The following RPL7A variants were observed in gnomAD, a reference collection of about 807,000 sequenced individuals.
The protein encoded by RPL7A is ribosomal protein L7a, also known as large ribosomal subunit protein eL8.
For missense variants in RPL7A, 291 were observed against 338.2 expected (o/e 0.86, Z 1.09); for synonymous variants, 158 against 128.2 (o/e 1.23, Z -1.57).
At chr9:133,350,463 G>T (rs1836361193) in intron 5 of RPL7A, 134 bp from the exon 6 acceptor site, 1 of 1,525,772 alleles carries the variant, frequency 6.6e-7, no homozygotes, top group African/African-American at 1.4e-5. Context: ...CTCTTGCAAT[G>T]ATGTGAATCT....
chr9:133,350,378 T>C, intron 5 of RPL7A, 59 bp downstream of exon 5: 2 of 1,590,034 alleles, frequency 1.3e-6, no homozygotes, highest in Non-Finnish European at 1.7e-6. Context: ...GAAGAGAGAG[T>C]AGACCTAATG....
intron 3 of RPL7A, 81 bp downstream of exon 3, chr9:133,349,781 G>C: frequency 6.3e-7 from 1 of 1,591,528 alleles, no homozygotes. Context: ...ATGGTCTTAG[G>C]CTTCTTGAAC....
At chr9:133,349,379 G>A in intron 2 of RPL7A, 172 bp from the exon 3 acceptor site, 2 of 942,380 alleles carry the variant, frequency 2.1e-6, no homozygotes, top group Non-Finnish European at 1.8e-6. Flanking sequence ...CGTGCTCTTT[G>A]TTCTCAGGTG....
At chr9:133,350,350 G>A (rs368441449) in intron 5 of RPL7A, 31 bp downstream of exon 5, 1 of 1,610,800 alleles carries the variant, frequency 6.2e-7, no homozygotes, top group South Asian at 1.1e-5. Flanking sequence ...CTAACCCAAG[G>A]GCTTCTGGCA....
chr9:133,348,547 C>G (rs982796831), intron 1 of RPL7A: 1 of 596,058 alleles, frequency 1.7e-6, no homozygotes, highest in East Asian at 2.8e-5. Flanking sequence ...GTCTCTCGGG[C>G]TTGCTGGGGG....
rs2129977326 is a variant in RPL7A, at chr9:133,348,257, T to C, written c.3+11T>C. On this transcript the variant is annotated intron_variant, in intron 1 of 7. Transcript: ENST00000323345. ...CCGCCGCCCAAGATGGTGAGTGAGCTGTAGTTCCGTGGCACTATAGCCAGG... is the reference window on the plus strand; with the variant it reads ...CCGCCGCCCAAGATGGTGAGTGAGCCGTAGTTCCGTGGCACTATAGCCAGG... The C allele has an allele frequency of 6.8e-6, 11 of 1,613,964 alleles. No individual in the cohort carries two copies. The highest frequency in any genetic ancestry group is 1.6e-4 in the Middle Eastern group (1 of 6,084).
In RPL7A at chr9:133,349,766, G is replaced by C. The variant is rs1012834150; in HGVS notation, c.274+66G>C. 5 of 1,601,998 alleles carry C rather than the reference G, an allele frequency of 3.1e-6. No homozygotes were observed. In the African/African-American group the frequency reaches 6.7e-5, roughly 22 times the overall value. ...ATTCCTTATTTCATCCAGAACATGA[G>C]GGGGATGGTCTTAGGCTTCTTGAAC... On this transcript the variant is annotated intron_variant, in intron 3 of 7. Transcript: ENST00000323345.
At chr9:133,350,110 A>G in intron 4 of RPL7A, 58 bp downstream of exon 4, 1 of 1,613,800 alleles carries the variant, frequency 6.2e-7, no homozygotes, top group Non-Finnish European at 8.5e-7. Flanking sequence ...GTGATGTAAA[A>G]TTTCTTGGCC....
intron 2 of RPL7A, 113 bp from the exon 3 acceptor site, chr9:133,349,438 A>G (rs2129986075): frequency 1.6e-6 from 2 of 1,252,552 alleles, no homozygotes; most frequent in South Asian, 2.4e-5. Flanking sequence ...AGAGATGGTG[A>G]TGACATTTTA....
chr9:133,348,560 G>A, intron 1 of RPL7A: 2 of 591,516 alleles, frequency 3.4e-6, no homozygotes, highest in Admixed American at 3.0e-5. Flanking sequence ...GCTGGGGGCC[G>A]CTCCAGAGGC....
At position 133,348,875 on chromosome 9, in the gene RPL7A, G is replaced by A. The variant is rs2129981765; in HGVS notation, c.4-47G>A. 1.3e-5 allele frequency: 21 copies of A among 1,612,892 alleles called. No individual in the cohort carries two copies. In the African/African-American group the frequency reaches 2.5e-4, roughly 19 times the overall value. On this transcript the variant is annotated intron_variant, in intron 1 of 7. Coordinates refer to ENST00000323345, the MANE Select transcript of RPL7A (RefSeq NM_000972.3). ...AGCCAGCCTGAGCCCTACCCCCGAC[G>A]AAGCGAGTGGAGGCGGCGGTTTAAC...
chr9:133,348,924 G>T lies in RPL7A; in HGVS notation c.6G>T (p.Pro2=), dbSNP rs2129982176. The part of the protein sequence containing the change: M[P]KGKKAKGKKV... ...ACTGACGTTTTCTTTCTGCCCAGCC[G>T]AAAGGAAAGAAGGCCAAGGGAAAGA... The change falls in exon 2 of 8, where the codon CCG becomes CCT. Residue 2 remains proline (P), a splice_region_variant and synonymous_variant. Transcript: ENST00000323345. 1.2e-6 allele frequency: 2 copies of T among 1,613,884 alleles called. No homozygotes were observed. Among genetic ancestry groups the T allele is most frequent in the Admixed American group, 1.7e-5 (1 of 60,010 alleles).
intron 5 of RPL7A, 139 bp downstream of exon 5, chr9:133,350,458 G>C (rs1836360891): frequency 6.6e-7 from 1 of 1,515,148 alleles, no homozygotes; most frequent in African/African-American, 1.4e-5. Context: ...CGTGGCTCTT[G>C]CAATGATGTG....
rs142456845 is a variant in RPL7A, at chr9:133,350,301, C to T, written c.477C>T (p.His159=). The T allele has an allele frequency of 7.4e-5, 119 of 1,613,960 alleles. No homozygotes were observed. The highest frequency in any genetic ancestry group is 9.2e-5 in the Non-Finnish European group (109 of 1,180,010). ...AAGCTCAGCTGGTGGTGATTGCACACGACGTGGATCCCATCGAGGTGCGTT... is the reference window on the plus strand; with the variant it reads ...AAGCTCAGCTGGTGGTGATTGCACATGACGTGGATCCCATCGAGGTGCGTT... ...NKKAQLVVIA[H]DVDPIELVVF... Residue 159 remains histidine (H), a synonymous_variant, in exon 5 of 8, where the codon CAC becomes CAT. Transcript: ENST00000323345.
Position 133,351,050 on chromosome 9 carries a change from T to C in RPL7A, c.675T>C (p.Asn225=). 1 of 1,614,082 alleles carries C rather than the reference T, an allele frequency of 6.2e-7. No individual in the cohort carries two copies. Among genetic ancestry groups the C allele is most frequent in the South Asian group, 1.1e-5 (1 of 91,072 alleles). The change falls in exon 7 of 8, where the codon AAT becomes AAC. Residue 225 remains asparagine (N), a synonymous_variant. Coordinates refer to ENST00000323345, the MANE Select transcript of RPL7A (RefSeq NM_000972.3). ...AGCTGGTGGAAGCTATCAGGACCAA[T>C]TACAATGACAGATACGATGAGGTAA... is the stretch of plus-strand genomic sequence containing the variant. The part of the protein sequence containing the change: ...LAKLVEAIRT[N]YNDRYDEIRR...
At chr9:133,350,771 A>C (rs1336502919) in intron 6 of RPL7A, 44 bp downstream of exon 6, 6 of 1,607,538 alleles carry the variant, frequency 3.7e-6, no homozygotes, top group Non-Finnish European at 5.1e-6. Flanking sequence ...AGTTCATTTA[A>C]TCCATGCCTC....
At position 133,349,038 on chromosome 9, in the gene RPL7A, C is replaced by T. The variant is rs2129982835; in HGVS notation, c.120C>T (p.Gly40=). The part of the protein sequence containing the change: ...PLFEKRPKNF[G]IGQDIQPKRD... Reference sequence around the variant, plus strand: ...TTGAGAAAAGGCCTAAGAATTTTGGCATTGGTAAGTAACAAACGGCAGAAT... The same window carrying T: ...TTGAGAAAAGGCCTAAGAATTTTGGTATTGGTAAGTAACAAACGGCAGAAT... The change falls in exon 2 of 8, where the codon GGC becomes GGT. Residue 40 remains glycine, a synonymous_variant. Coordinates refer to ENST00000323345, the MANE Select transcript of RPL7A (RefSeq NM_000972.3). 8 of 1,613,538 alleles carry T rather than the reference C, an allele frequency of 5.0e-6. No individual in the cohort carries two copies. Among genetic ancestry groups the T allele is most frequent in the African/African-American group, 1.3e-5 (1 of 74,874 alleles).
At chr9:133,348,648 C>T (rs1564342830) in intron 1 of RPL7A, 1 of 671,710 alleles carries the variant, frequency 1.5e-6, no homozygotes, top group South Asian at 1.6e-5. Context: ...AGTCATGAGT[C>T]CGGGGTGTCT....
Position 133,350,267 on chromosome 9 carries a change from A to C in RPL7A, c.443A>C (p.Glu148Ala), listed in dbSNP as rs2129992551. 1 of 1,614,026 alleles carries C rather than the reference A, an allele frequency of 6.2e-7. No homozygotes were observed. Among genetic ancestry groups the C allele is most frequent in the South Asian group, 1.1e-5 (1 of 91,064 alleles). ...AGVNTVTTLV[E>A]NKKAQLVVIA... ...GTTAACACCGTCACCACCTTGGTGG[A>C]GAACAAGAAAGCTCAGCTGGTGGTG... Residue 148 changes from glutamate (E) to alanine (A), a missense_variant, in exon 5 of 8, where the codon GAG becomes GCG. Physicochemically the swap from Glu to Ala is moderately radical, Grantham distance 107 (BLOSUM62 -1). Transcript: ENST00000323345.
Sources: gnomAD v4.1 joint callset for allele counts on GRCh38, gnomAD v4.1.1 for gene constraint, MANE v1.5 for transcripts, NCBI Gene and HGNC (gene_info 2026-07-23, HGNC 2026-07-21) for gene names.